SGCZ: variants seen among roughly 807,000 people sequenced by gnomAD.
SGCZ encodes the protein sarcoglycan zeta, also known as zeta-sarcoglycan.
In SGCZ, 40 loss-of-function variants were observed where a neutral mutation model predicts 41.3. That is an observed-to-expected ratio of 0.97 (90% CI 0.75 to 1.26). The LOEUF (loss-of-function observed/expected upper bound fraction) is 1.26, where lower values mean the gene tolerates loss of function less well. Among genes scored for constraint, SGCZ ranks in the 50% most tolerant of loss-of-function variants. SGCZ has a pLI of 0.00. For missense variants in SGCZ, 552 were observed against 369.8 expected, an observed-to-expected ratio of 1.49 and a Z score of -4.04; for synonymous variants, 206 against 137.5, an observed-to-expected ratio of 1.50 and a Z score of -3.49.
intron 2 of SGCZ, among the ~76,000 whole-genome samples, chr8:14,528,827 C>CAAAAAACAAAAAAA (rs1803032348): frequency 3.8e-5 from 2 of 52,660 alleles, no homozygotes; most frequent in Admixed American, 1.9e-4. Flanking sequence ...ACGGACCAGC[C>CAAAAAACAAAAAAA]AAAAAAAAAA....
At chr8:14,493,588 G>C (rs898520161) in intron 2 of SGCZ, among the ~76,000 whole-genome samples, 3 of 150,940 alleles carry the variant, frequency 2.0e-5, no homozygotes, top group African/African-American at 4.9e-5. Context: ...ATATGGTCTC[G>C]ATATCGTGAC....
At chr8:14,771,419 C>T (rs79852460) in intron 1 of SGCZ, among the ~76,000 whole-genome samples, 11,690 of 152,120 alleles carry the variant, frequency 0.077, 462 homozygotes, top group Middle Eastern at 0.099. Context: ...CTAAAAACAT[C>T]TCCCTTAACT....
intron 1 of SGCZ, among the ~76,000 whole-genome samples, chr8:14,671,290 CATTTCATA>C (rs1808094502): frequency 6.6e-6 from 1 of 152,134 alleles, no homozygotes; most frequent in African/African-American, 2.4e-5. Context: ...TCTGCTCTGG[CATTTCATA>C]ATTGGGCTTC....
At chr8:14,882,681 T>C (rs1804634931) in intron 1 of SGCZ, among the ~76,000 whole-genome samples, 1 of 152,162 alleles carries the variant, frequency 6.6e-6, no homozygotes, top group Non-Finnish European at 1.5e-5. Flanking sequence ...TCCCATTGTT[T>C]GATTACGACA....
chr8:14,217,016 G>A (rs117501227), intron 4 of SGCZ, among the ~76,000 whole-genome samples: 7 of 152,238 alleles, frequency 4.6e-5, no homozygotes, highest in East Asian at 1.9e-4. Flanking sequence ...GGATGGGCAC[G>A]GTGGCTCACG....
intron 1 of SGCZ, among the ~76,000 whole-genome samples, chr8:15,037,088 T>C (rs1461971559): frequency 6.6e-6 from 1 of 152,112 alleles, no homozygotes; most frequent in Non-Finnish European, 1.5e-5. Flanking sequence ...AGAAGAAATA[T>C]ACCTGAGCAC....
intron 2 of SGCZ, among the ~76,000 whole-genome samples, chr8:14,447,827 C>T (rs1176719606): frequency 6.6e-6 from 1 of 152,106 alleles, no homozygotes; most frequent in Non-Finnish European, 1.5e-5. Context: ...TCTTCTTAAT[C>T]CTTTACAGCC....
At chr8:14,840,261 A>G (rs1177303401) in intron 1 of SGCZ, among the ~76,000 whole-genome samples, 5 of 152,140 alleles carry the variant, frequency 3.3e-5, no homozygotes, top group Admixed American at 6.5e-5. Flanking sequence ...CTTGCCACCT[A>G]TTATATTGCA....
At position 14,102,155 on chromosome 8, in the gene SGCZ, T is replaced by C. The variant is rs538973009; in HGVS notation, c.744+221A>G. Among the ~76,000 whole-genome samples, 18 of 150,492 alleles carry C rather than the reference T, an allele frequency of 1.2e-4. No homozygotes were observed. In the East Asian group the frequency reaches 3.3e-3, roughly 28 times the overall value. On this transcript the variant is annotated intron_variant, in intron 7 of 7. Coordinates refer to ENST00000382080, the MANE Select transcript of SGCZ (RefSeq NM_139167.4). ...GGGTTTCACCGTGTTAGCCAGGATG[T>C]TCTTGATCTCCTGACCTCGTGATCT...
chr8:14,886,028 T>TAC (rs1180293952), intron 1 of SGCZ, among the ~76,000 whole-genome samples: 56 of 110,082 alleles, frequency 5.1e-4, no homozygotes, highest in Non-Finnish European at 8.4e-4. Context: ...TATATATATA[T>TAC]ATATATAAAA....
intron 2 of SGCZ, among the ~76,000 whole-genome samples, chr8:14,467,792 C>A (rs7815396): frequency 4.6e-5 from 7 of 151,874 alleles, no homozygotes; most frequent in Non-Finnish European, 8.8e-5. Flanking sequence ...TTACATCATA[C>A]TGTAATAGTA....
intron 1 of SGCZ, among the ~76,000 whole-genome samples, chr8:15,042,520 G>T (rs1343344690): frequency 6.6e-6 from 1 of 152,142 alleles, no homozygotes; most frequent in Admixed American, 6.5e-5. Context: ...AGATTCAAAG[G>T]TGACCTAAAA....
rs140826370 is a variant in SGCZ, at chr8:14,343,434, G to C, written c.235-19230C>G. ...CTGTCAAGGCAGTCAGAAATGGAGG[G>C]ACTAAGATCCTGGGAAAAAGAGAGA... On this transcript the variant is annotated intron_variant, in intron 2 of 7. Transcript: ENST00000382080. Among the ~76,000 whole-genome samples the C allele has an allele frequency of 6.5e-4, 99 of 152,294 alleles. 1 individual carries two copies. In the East Asian group the frequency reaches 0.018, roughly 27 times the overall value.
rs552400390 is a variant in SGCZ, at chr8:14,881,389, G to A, written c.40-326463C>T. Among the ~76,000 whole-genome samples, 11 of 152,184 alleles carry A rather than the reference G, an allele frequency of 7.2e-5. No homozygotes were observed. The East Asian group carries it at 1.7e-3, about 24-fold the overall frequency. On this transcript the variant is annotated intron_variant, in intron 1 of 7. Transcript: ENST00000382080. ...TCGACCCCCATACACCATGTCGGTG[G>A]TTGAATTCTCCAGAAAGCAGATTCT... is the stretch of plus-strand genomic sequence containing the variant.
intron 4 of SGCZ, among the ~76,000 whole-genome samples, chr8:14,187,625 G>C (rs1209673580): frequency 6.6e-6 from 1 of 151,474 alleles, no homozygotes; most frequent in Non-Finnish European, 1.5e-5. Context: ...AAGAAAAAAA[G>C]AATTAATGAT....
intron 1 of SGCZ, among the ~76,000 whole-genome samples, chr8:14,907,923 A>G (rs1799167636): frequency 1.3e-5 from 2 of 152,218 alleles, no homozygotes; most frequent in Admixed American, 6.5e-5. Flanking sequence ...ATAGTTATTA[A>G]TAGTACAGTA....
intron 3 of SGCZ, among the ~76,000 whole-genome samples, chr8:14,291,811 T>C (rs1225178344): frequency 6.6e-6 from 1 of 152,012 alleles, no homozygotes; most frequent in Non-Finnish European, 1.5e-5. Context: ...GAATTATTTA[T>C]CAAAGTTGTT....
chr8:14,483,423 T>C (rs1436663325), intron 2 of SGCZ, among the ~76,000 whole-genome samples: 1 of 152,068 alleles, frequency 6.6e-6, no homozygotes, highest in Non-Finnish European at 1.5e-5. Flanking sequence ...TTTAAAAAAT[T>C]AGCTGGGCAT....
intron 1 of SGCZ, among the ~76,000 whole-genome samples, chr8:15,214,134 T>A (rs1244294869): frequency 1.3e-5 from 2 of 152,038 alleles, no homozygotes; most frequent in Non-Finnish European, 2.9e-5. Context: ...AAAAAAAACA[T>A]CAATTTTTAT....
Sources: gnomAD v4.1 joint callset for allele counts (sites outside exome capture counted in the v4.1 genomes callset) on GRCh38, gnomAD v4.1.1 for gene constraint, MANE v1.5 for transcripts, NCBI Gene and HGNC (gene_info 2026-07-23, HGNC 2026-07-21) for gene names.